The following NBEAL1 variants were observed in gnomAD, a reference collection of about 807,000 sequenced individuals.
NBEAL1 encodes neurobeachin-like protein 1.
Under a neutral mutation model 351.3 loss-of-function variants are expected in NBEAL1, and 273 were observed. The ratio of observed to expected loss-of-function variants is 0.78; its 90% CI spans 0.70 to 0.86. The LOEUF (loss-of-function observed/expected upper bound fraction) is 0.86, where lower values mean the gene tolerates loss of function less well. Among genes scored for constraint, NBEAL1 ranks in the 40% least tolerant of loss-of-function variants. The pLI, the probability that NBEAL1 is intolerant of heterozygous loss-of-function variation, is 0.00. For missense variants in NBEAL1, 2,961 were observed against 3,201.3 expected (o/e 0.92, Z 1.81); for synonymous variants, 1,050 against 1,086.4 (o/e 0.97, Z 0.66).
intron 35 of NBEAL1, among the ~76,000 whole-genome samples, chr2:203,153,711 C>G (rs1214716445): frequency 1.3e-5 from 2 of 152,080 alleles, no homozygotes; most frequent in African/African-American, 4.8e-5. Context: ...TCTTTCTCTA[C>G]TCTTTGAAAT....
intron 42 of NBEAL1, among the ~76,000 whole-genome samples, chr2:203,176,903 A>G (rs1364495893): frequency 6.6e-6 from 1 of 151,038 alleles, no homozygotes; most frequent in African/African-American, 2.4e-5. Context: ...TTAATCCCCA[A>G]CACTTTGGGA....
chr2:203,108,237 A>G lies in NBEAL1; in HGVS notation c.1949+49A>G, dbSNP rs1326861984. The G allele has an allele frequency of 2.2e-5, 29 of 1,344,562 alleles. No homozygotes were observed. In the Admixed American group the frequency reaches 6.9e-4, roughly 32 times the overall value. The allele number at this position is 1,344,562 out of a possible 1,614,324, so 83.3% of individuals were successfully genotyped here. On this transcript the variant is annotated intron_variant, in intron 14 of 55. Coordinates refer to ENST00000683969, the MANE Select transcript of NBEAL1 (RefSeq NM_001378026.1). The stretch of plus-strand genomic sequence containing the variant: ...TAAATGAATACTGTCATAACAATAT[A>G]TGCTGTGATTCTTAAACAGGAAAAC...
rs1298102184 is a variant in NBEAL1, at chr2:203,169,800, T to C, written c.6051T>C (p.Tyr2017=). 2.8e-5 allele frequency: 45 copies of C among 1,610,654 alleles called. No individual in the cohort carries two copies. The highest frequency in any genetic ancestry group is 3.7e-5 in the Non-Finnish European group (44 of 1,178,376). Residue 2017 remains tyrosine (Y), a synonymous_variant, in exon 39 of 56, where the codon TAT becomes TAC. Coordinates refer to ENST00000683969, the MANE Select transcript of NBEAL1 (RefSeq NM_001378026.1). Reference sequence around the variant, plus strand: ...TGTCACTTCATTCCCCAAATAGTTATTATGGAAGCAGATCACCACAGGAGT... The same window carrying C: ...TGTCACTTCATTCCCCAAATAGTTACTATGGAAGCAGATCACCACAGGAGT... ...RLLSLHSPNS[Y]YGSRSPQELF...
rs1358060742 is a variant in NBEAL1, at chr2:203,166,044, CAAAAAAAAG to C, written c.5715-94_5715-86del. 12 of 1,113,188 alleles carry C rather than the reference CAAAAAAAAG, an allele frequency of 1.1e-5. No homozygotes were observed. In the Admixed American group the frequency reaches 1.8e-4, roughly 17 times the overall value. 69.0% of individuals were successfully genotyped at this position (1,113,188 alleles called of 1,614,324 possible). A position where few individuals can be genotyped will look rare whatever the true frequency, so the allele number is the denominator to read the frequency against. ...CCTGGGTGACAGCAAGACCTTGTCT[CAAAAAAAAG>C]AAAAAAAAGAGATTATATTTAAATG... On this transcript the variant is annotated intron_variant, in intron 36 of 55. Coordinates refer to ENST00000683969, the MANE Select transcript of NBEAL1 (RefSeq NM_001378026.1).
intron 36 of NBEAL1, among the ~76,000 whole-genome samples, chr2:203,164,354 TTTA>T (rs2064064612): frequency 6.6e-6 from 1 of 152,022 alleles, no homozygotes; most frequent in Non-Finnish European, 1.5e-5. Flanking sequence ...TTAGATTTCC[TTTA>T]TTATTTTCAG....
intron 8 of NBEAL1, among the ~76,000 whole-genome samples, chr2:203,082,116 T>G (rs1221272884): frequency 6.6e-6 from 1 of 152,140 alleles, no homozygotes; most frequent in East Asian, 1.9e-4. Context: ...AAAGAGGTCC[T>G]GAAAAGCTGA....
intron 4 of NBEAL1, among the ~76,000 whole-genome samples, chr2:203,053,936 C>A (rs995659280): frequency 1.3e-5 from 2 of 152,002 alleles, no homozygotes; most frequent in African/African-American, 4.8e-5. Flanking sequence ...TTTTTTCTTT[C>A]ATGGATTATG....
rs796292297 is a variant in NBEAL1 at position 203,056,479 on chromosome 2, A to G, written c.358A>G (p.Ile120Val). ...GACTTGCTCGTACATTAATTATGTC[A>G]TCACCATGACAACACTCTATATTCA... ...IGTCSYINYV[I>V]TMTTLYIQQL... The change falls in exon 5 of 56, where the codon ATC becomes GTC. Residue 120 changes from isoleucine (I) to valine (V), a missense_variant. By Grantham distance (29) the Ile-to-Val change is conservative. Coordinates refer to ENST00000683969, the MANE Select transcript of NBEAL1 (RefSeq NM_001378026.1). 73 of 1,549,454 alleles carry G rather than the reference A, an allele frequency of 4.7e-5. No individual in the cohort carries two copies. The Admixed American group carries it at 1.2e-3, about 25-fold the overall frequency.
intron 43 of NBEAL1, chr2:203,182,448 C>G (rs1246793743): frequency 6.6e-6 from 1 of 152,162 alleles, no homozygotes; most frequent in Non-Finnish European, 1.5e-5. Flanking sequence ...ATACCAACCC[C>G]TAGACCAGTC....
At chr2:203,173,948 T>G (rs2064403755) in intron 41 of NBEAL1, among the ~76,000 whole-genome samples, 1 of 152,028 alleles carries the variant, frequency 6.6e-6, no homozygotes, top group African/African-American at 2.4e-5. Flanking sequence ...AAAAATCTTT[T>G]ATTCTTATTT....
intron 51 of NBEAL1, among the ~76,000 whole-genome samples, chr2:203,207,784 G>A (rs185913505): frequency 1.0e-3 from 157 of 152,326 alleles, no homozygotes; most frequent in African/African-American, 3.5e-3. Flanking sequence ...GCGGAAGGCC[G>A]CAGGGTCCTC....
intron 35 of NBEAL1, among the ~76,000 whole-genome samples, chr2:203,154,468 G>A (rs2063746000): frequency 6.6e-6 from 1 of 151,814 alleles, no homozygotes; most frequent in African/African-American, 2.4e-5. Context: ...CAGAATTCAT[G>A]GTTTTCTTTT....
intron 35 of NBEAL1, among the ~76,000 whole-genome samples, chr2:203,153,202 G>A (rs1162704109): frequency 6.6e-6 from 1 of 152,030 alleles, no homozygotes; most frequent in Admixed American, 6.6e-5. Context: ...GCTTGAACAT[G>A]GCTCACTGTA....
chr2:203,016,906 C>T (rs914383653), intron 2 of NBEAL1, among the ~76,000 whole-genome samples: 2 of 152,146 alleles, frequency 1.3e-5, no homozygotes, highest in African/African-American at 2.4e-5. Flanking sequence ...TGAGCATTGT[C>T]TCATTTCCTT....
At position 203,110,160 on chromosome 2, in the gene NBEAL1, G is replaced by T; in HGVS notation, c.1960G>T (p.Gly654Ter). 2.6e-6 allele frequency: 4 copies of T among 1,544,976 alleles called. No individual in the cohort carries two copies. Among genetic ancestry groups the T allele is most frequent in the Non-Finnish European group, 2.6e-6 (3 of 1,145,176 alleles). Residue 654 changes from glycine (G) to a stop codon, truncating the protein, a stop_gained, in exon 15 of 56, where the codon GGA becomes TGA. Coordinates refer to ENST00000683969, the MANE Select transcript of NBEAL1 (RefSeq NM_001378026.1). LOFTEE classifies it high-confidence loss of function. The stretch of plus-strand genomic sequence containing the variant: ...ACGTATTTTTTTTAGTTTTTTTACA[G>T]GAAGTGGCATGGGTTTTGAAGCCTT... Reference protein sequence around the residue: ...KRKQLYSFFTGSGMGFEAFIT... With the variant: ...KRKQLYSFFT
chr2:203,126,785 T>C (rs1243198656), intron 22 of NBEAL1, 39 bp from the exon 23 acceptor site: 1 of 1,538,540 alleles, frequency 6.5e-7, no homozygotes, highest in Non-Finnish European at 8.8e-7. Flanking sequence ...ATTGACTTTA[T>C]TTTAGCTGAA....
At chr2:203,150,290 C>T (rs2063615258) in intron 34 of NBEAL1, among the ~76,000 whole-genome samples, 1 of 152,036 alleles carries the variant, frequency 6.6e-6, no homozygotes, top group African/African-American at 2.4e-5. Context: ...TTTCATGTTC[C>T]ATTTCCTAAT....
In NBEAL1 at chr2:203,171,809, C is replaced by T. The variant is rs1046034427; in HGVS notation, c.6103-119C>T. 16 of 461,850 alleles carry T rather than the reference C, an allele frequency of 3.5e-5. No individual in the cohort carries two copies. The Admixed American group carries it at 6.8e-4, about 20-fold the overall frequency. The allele number at this position is 461,850 out of a possible 1,614,324, so 28.6% of individuals were successfully genotyped here. A position where few individuals can be genotyped will look rare whatever the true frequency, so the allele number is the denominator to read the frequency against. ...ATTTAGGAAAAGTATATTGATTTAT[C>T]TCCCTGTTGTACCTTTTTTTTTTTT... On this transcript the variant is annotated intron_variant, in intron 39 of 55. Coordinates refer to ENST00000683969, the MANE Select transcript of NBEAL1 (RefSeq NM_001378026.1).
intron 2 of NBEAL1, among the ~76,000 whole-genome samples, chr2:203,023,952 A>G (rs889979358): frequency 6.6e-6 from 1 of 152,166 alleles, no homozygotes; most frequent in Non-Finnish European, 1.5e-5. Context: ...TTATTTAAAT[A>G]AATAAATAAA....
Sources: allele counts gnomAD v4.1 joint callset (sites outside exome capture counted in the v4.1 genomes callset), GRCh38; gene constraint gnomAD v4.1.1; transcripts MANE v1.5; gene names NCBI Gene and HGNC (gene_info 2026-07-23, HGNC 2026-07-21).